The following CHN1 variants were observed in gnomAD, a reference collection of about 807,000 sequenced individuals.
CHN1 encodes the protein N-chimaerin.
Under a neutral mutation model 59.5 loss-of-function variants are expected in CHN1, and 37 were observed. That is an observed-to-expected ratio of 0.62 (90% CI 0.48 to 0.82). The LOEUF (loss-of-function observed/expected upper bound fraction) is 0.82, where lower values mean the gene tolerates loss of function less well. Ranked by LOEUF, CHN1 falls within the 40% of genes least tolerant of loss-of-function variation. CHN1 has a pLI of 0.00. For synonymous variants in CHN1, 206 were observed against 200.4 expected, an observed-to-expected ratio of 1.03 and a Z score of -0.24; for missense variants, 469 against 571.0, an observed-to-expected ratio of 0.82 and a Z score of 1.82.
At chr2:174,839,604 AT>A (rs34568874) in intron 7 of CHN1, among the ~76,000 whole-genome samples, 5,974 of 142,170 alleles carry the variant, frequency 0.042, 104 homozygotes, top group Non-Finnish European at 0.052. Flanking sequence ...GCACTTAAAG[AT>A]TTTTTTTTTT....
intron 3 of CHN1, among the ~76,000 whole-genome samples, chr2:174,932,893 C>T (rs1689391069): frequency 6.6e-6 from 1 of 152,196 alleles, no homozygotes; most frequent in Non-Finnish European, 1.5e-5. Flanking sequence ...CACCTCTTTT[C>T]TCTATGTATT....
At chr2:174,937,548 T>C (rs937739216) in intron 3 of CHN1, among the ~76,000 whole-genome samples, 2 of 152,234 alleles carry the variant, frequency 1.3e-5, no homozygotes, top group African/African-American at 4.8e-5. Context: ...TCTTTTTCTC[T>C]CAACATTTCA....
At chr2:174,993,085 T>C (rs1411824418) in intron 1 of CHN1, among the ~76,000 whole-genome samples, 1 of 152,140 alleles carries the variant, frequency 6.6e-6, no homozygotes, top group Non-Finnish European at 1.5e-5. Context: ...CCACCACACC[T>C]GGCTCCAATC....
At chr2:174,849,653 T>TGG (rs1686661313) in intron 6 of CHN1, among the ~76,000 whole-genome samples, 1 of 152,206 alleles carries the variant, frequency 6.6e-6, no homozygotes, top group South Asian at 2.1e-4. Context: ...ATATATAGAA[T>TGG]CTATTAATTA....
At chr2:174,803,977 C>T (rs753105195) in intron 11 of CHN1, among the ~76,000 whole-genome samples, 41 of 152,098 alleles carry the variant, frequency 2.7e-4, no homozygotes, top group Non-Finnish European at 4.1e-4. Flanking sequence ...ATAGTGTTGT[C>T]GGGTGAGCAA....
At chr2:174,884,092 C>T (rs900565145) in intron 5 of CHN1, among the ~76,000 whole-genome samples, 2 of 151,260 alleles carry the variant, frequency 1.3e-5, no homozygotes, top group African/African-American at 2.4e-5. Context: ...CTCAGCCTCC[C>T]GAGTAGCTGG....
chr2:174,868,790 T>C (rs1687308776), intron 6 of CHN1, among the ~76,000 whole-genome samples: 1 of 152,180 alleles, frequency 6.6e-6, no homozygotes, highest in Non-Finnish European at 1.5e-5. Flanking sequence ...TGCACCTACA[T>C]AGTTTCAAGG....
intron 7 of CHN1, 105 bp downstream of exon 7, chr2:174,846,775 T>C (rs1000358054): frequency 3.5e-6 from 4 of 1,139,678 alleles, no homozygotes. Flanking sequence ...GCAAGAACAT[T>C]TTAGTCAAGT....
intron 7 of CHN1, among the ~76,000 whole-genome samples, chr2:174,843,934 T>C (rs1686405374): frequency 1.3e-5 from 2 of 151,626 alleles, no homozygotes; most frequent in Non-Finnish European, 1.5e-5. Flanking sequence ...GCCTGAGTTT[T>C]ATTTTTAATG....
intron 10 of CHN1, 133 bp from the exon 11 acceptor site, chr2:174,809,175 G>A (rs1035489342): frequency 1.1e-5 from 9 of 784,000 alleles, no homozygotes; most frequent in Non-Finnish European, 1.7e-5. Flanking sequence ...AATTTAGTGT[G>A]CTACGTTACA....
At chr2:174,914,913 G>T in intron 5 of CHN1, 145 bp downstream of exon 5, 1 of 428,282 alleles carries the variant, frequency 2.3e-6, no homozygotes. Context: ...AATTTTTAAA[G>T]GGTCTCAAAG....
At chr2:174,892,117 A>G (rs1688071159) in intron 5 of CHN1, among the ~76,000 whole-genome samples, 1 of 152,212 alleles carries the variant, frequency 6.6e-6, no homozygotes, top group Non-Finnish European at 1.5e-5. Flanking sequence ...CAGCTTCCCA[A>G]TAAAGAAAAG....
At chr2:174,879,460 T>C (rs1687669483) in intron 5 of CHN1, among the ~76,000 whole-genome samples, 3 of 152,218 alleles carry the variant, frequency 2.0e-5, no homozygotes. Flanking sequence ...TGATTTACAC[T>C]TAAGTGAACT....
intron 8 of CHN1, among the ~76,000 whole-genome samples, chr2:174,817,660 C>CG (rs1217818125): frequency 7.0e-6 from 1 of 141,922 alleles, no homozygotes; most frequent in Non-Finnish European, 1.5e-5. Context: ...TTTTTTGAGA[C>CG]GGAGTCTCGC....
Position 174,818,185 on chromosome 2 carries a change from T to G in CHN1, c.713-5703A>C, listed in dbSNP as rs189034792. Among the ~76,000 whole-genome samples the G allele has an allele frequency of 1.1e-3, 166 of 152,318 alleles. 1 individual carries two copies. The highest frequency in any genetic ancestry group is 3.9e-3 in the African/African-American group (162 of 41,564). On this transcript the variant is annotated intron_variant, in intron 8 of 12. Coordinates refer to ENST00000409900, the MANE Select transcript of CHN1 (RefSeq NM_001822.7). Reference sequence around the variant, plus strand: ...TAGGTATTTAAGGAAGAGGGAAATGTTTTCTAAACTGATGTTCTCTCTTTT... The same window carrying G: ...TAGGTATTTAAGGAAGAGGGAAATGGTTTCTAAACTGATGTTCTCTCTTTT...
At chr2:174,842,049 CAATAG>C (rs1462935443) in intron 7 of CHN1, among the ~76,000 whole-genome samples, 1 of 152,052 alleles carries the variant, frequency 6.6e-6, no homozygotes, top group Non-Finnish European at 1.5e-5. Flanking sequence ...ATCTTAAGAC[CAATAG>C]AAGACTCTAT....
intron 1 of CHN1, among the ~76,000 whole-genome samples, chr2:174,963,611 G>A (rs897815586): frequency 2.0e-5 from 3 of 152,204 alleles, no homozygotes; most frequent in Non-Finnish European, 2.9e-5. Context: ...TCAGGCCCTG[G>A]AGGGAACCTG....
chr2:174,931,069 A>C (rs1212531581), intron 3 of CHN1, among the ~76,000 whole-genome samples: 1 of 152,006 alleles, frequency 6.6e-6, no homozygotes, highest in Non-Finnish European at 1.5e-5. Flanking sequence ...CGCCAGGCCT[A>C]TAGCTGAATT....
chr2:174,926,813 A>G (rs1024432804), intron 3 of CHN1, among the ~76,000 whole-genome samples: 1 of 151,324 alleles, frequency 6.6e-6, no homozygotes, highest in Non-Finnish European at 1.5e-5. Context: ...GGTGGAGTGC[A>G]GTGGCATGAT....
Sources: gnomAD v4.1 joint callset for allele counts (sites outside exome capture counted in the v4.1 genomes callset) on GRCh38, gnomAD v4.1.1 for gene constraint, MANE v1.5 for transcripts, NCBI Gene and HGNC (gene_info 2026-07-23, HGNC 2026-07-21) for gene names.